SEMA4D: variants seen among roughly 807,000 people sequenced by gnomAD.
The protein encoded by SEMA4D is semaphorin 4D, also known as semaphorin-4D.
In SEMA4D, 22 loss-of-function variants were observed where a neutral mutation model predicts 74.8. The ratio of observed to expected loss-of-function variants is 0.29; its 90% CI spans 0.21 to 0.42. SEMA4D has a LOEUF of 0.42. Ranked by LOEUF, SEMA4D falls within the 10% of genes least tolerant of loss-of-function variation. SEMA4D has a pLI of 1.00. For missense variants in SEMA4D, 937 were observed against 1,118.4 expected, an observed-to-expected ratio of 0.84 and a Z score of 2.31; for synonymous variants, 445 against 463.7, an observed-to-expected ratio of 0.96 and a Z score of 0.52.
intron 2 of SEMA4D, among the ~76,000 whole-genome samples, chr9:89,425,894 T>C (rs1280421960): frequency 1.3e-5 from 2 of 152,204 alleles, no homozygotes; most frequent in Non-Finnish European, 2.9e-5. Context: ...AGCCAACAGC[T>C]TCCTCCTCCA....
At chr9:89,365,276 C>T (rs1157848689) in intron 16 of SEMA4D, 1 of 152,396 alleles carries the variant, frequency 6.6e-6, no homozygotes, top group African/African-American at 2.4e-5. Flanking sequence ...CTCTGAAGCT[C>T]CTGCTTGTGG....
At chr9:89,417,557 G>A (rs1171961911) in intron 2 of SEMA4D, among the ~76,000 whole-genome samples, 1 of 152,190 alleles carries the variant, frequency 6.6e-6, no homozygotes, top group African/African-American at 2.4e-5. Flanking sequence ...AAATTAAGCT[G>A]GTTATTTCCT....
chr9:89,364,703 ACACT>A (rs1231571787), intron 16 of SEMA4D: 4 of 152,736 alleles, frequency 2.6e-5, no homozygotes, highest in Non-Finnish European at 5.8e-5. Flanking sequence ...TACTTCACAC[ACACT>A]CAGACCATCT....
intron 2 of SEMA4D, among the ~76,000 whole-genome samples, chr9:89,415,047 C>T (rs572401022): frequency 5.3e-5 from 8 of 152,210 alleles, no homozygotes; most frequent in Non-Finnish European, 8.8e-5. Flanking sequence ...AGTGGCGGCA[C>T]GAACAGGGCC....
chr9:89,377,128 C>T, downstream of SEMA4D: 1 of 1,458,662 alleles, frequency 6.9e-7, no homozygotes, highest in Non-Finnish European at 9.1e-7. Context: ...CCAGAGAGGG[C>T]AAAACACAGC....
At chr9:89,370,947 T>TGGTGTGTATCTGGGGTAG (rs549221185) in intron 16 of SEMA4D, among the ~76,000 whole-genome samples, 143 of 102,610 alleles carry the variant, frequency 1.4e-3, no homozygotes, top group African/African-American at 3.5e-3. Context: ...GTCTGGGGTA[T>TGGTGTGTATCTGGGGTAG]GGTGTGTATC....
chr9:89,371,927 T>G (rs1588117724), intron 16 of SEMA4D, among the ~76,000 whole-genome samples: 1 of 134,068 alleles, frequency 7.5e-6, no homozygotes, highest in Non-Finnish European at 1.6e-5. Flanking sequence ...TGGGGTGTGG[T>G]GTGTGTGGGG....
chr9:89,431,952 A>G (rs142991353), intron 2 of SEMA4D, among the ~76,000 whole-genome samples: 1 of 152,162 alleles, frequency 6.6e-6, no homozygotes, highest in Non-Finnish European at 1.5e-5. Flanking sequence ...GCTCTGGTTC[A>G]TCTATGCTAT....
At chr9:89,480,824 G>A (rs867868307) in intron 1 of SEMA4D, among the ~76,000 whole-genome samples, 1 of 152,246 alleles carries the variant, frequency 6.6e-6, no homozygotes, top group South Asian at 2.1e-4. Flanking sequence ...TACAAACTGG[G>A]GGAGTGGGCT....
intron 13 of SEMA4D, among the ~76,000 whole-genome samples, chr9:89,383,750 T>C (rs1282046409): frequency 6.6e-6 from 1 of 152,150 alleles, no homozygotes; most frequent in Non-Finnish European, 1.5e-5. Flanking sequence ...TTCTGTAAAT[T>C]TAAAATTATT....
intron 2 of SEMA4D, chr9:89,450,291 A>G (rs141945042): frequency 7.6e-6 from 7 of 926,934 alleles, no homozygotes; most frequent in Non-Finnish European, 1.3e-5. Flanking sequence ...AGAGAGAACC[A>G]CTATGTACAA....
intron 1 of SEMA4D, among the ~76,000 whole-genome samples, chr9:89,461,327 G>A (rs546073739): frequency 6.6e-6 from 1 of 152,194 alleles, no homozygotes; most frequent in South Asian, 2.1e-4. Context: ...AATTGGGACC[G>A]GTAATCCCAA....
In SEMA4D at chr9:89,461,700, C is replaced by T. The variant is rs1233414774; in HGVS notation, c.-309-5747G>A. Reference sequence around the variant, plus strand: ...GGGCCAATGTGTATTTCTTTTTTCTCTTTTTTTTTTTTTTTTTTTGGAGAC... The same window carrying T: ...GGGCCAATGTGTATTTCTTTTTTCTTTTTTTTTTTTTTTTTTTTTGGAGAC... On this transcript the variant is annotated intron_variant, in intron 1 of 15. Coordinates refer to ENST00000422704, the MANE Select transcript of SEMA4D (RefSeq NM_001371194.2). Among the ~76,000 whole-genome samples the T allele has an allele frequency of 3.2e-4, 33 of 103,656 alleles. 1 individual carries two copies. Among genetic ancestry groups the T allele is most frequent in the East Asian group, 2.2e-3 (6 of 2,728 alleles). 68.0% of individuals were successfully genotyped at this position (103,656 alleles called of 152,430 possible). A position where few individuals can be genotyped will look rare whatever the true frequency, so the allele number is the denominator to read the frequency against.
In SEMA4D at chr9:89,362,380, G is replaced by C. The variant is rs758794011; in HGVS notation, c.*22C>G. 1.9e-6 allele frequency: 3 copies of C among 1,614,116 alleles called. No individual in the cohort carries two copies. The Admixed American group carries it at 5.0e-5, about 27-fold the overall frequency. On this transcript the variant is annotated 3_prime_UTR_variant, in exon 19 of 19. Coordinates refer to the SEMA4D transcript ENST00000339861. The stretch of plus-strand genomic sequence containing the variant: ...GGGTCTTGTTGGGGTTGAGGTCGGT[G>C]TCAGGGACTCCTTCCTGGTGGCTAC...
chr9:89,472,398 G>A (rs1860599121), intron 1 of SEMA4D: 2 of 335,788 alleles, frequency 6.0e-6, no homozygotes, highest in Non-Finnish European at 1.2e-5. Context: ...TGATCACTGG[G>A]CATCCAAGAA....
chr9:89,362,057 C>T (rs917976806), exon 19 of SEMA4D: 7 of 457,980 alleles, frequency 1.5e-5, no homozygotes, highest in Middle Eastern at 5.8e-4. Flanking sequence ...GCTGCCTGAC[C>T]GTAGAGGAGG....
intron 2 of SEMA4D, among the ~76,000 whole-genome samples, chr9:89,429,773 C>T (rs796385275): frequency 2.2e-4 from 34 of 152,210 alleles, no homozygotes; most frequent in African/African-American, 7.7e-4. Context: ...CATTCCAGAG[C>T]GCATGGTGCA....
At chr9:89,387,789 A>G (rs767071846) in intron 11 of SEMA4D, among the ~76,000 whole-genome samples, 181 bp from the exon 12 acceptor site, 6 of 152,266 alleles carry the variant, frequency 3.9e-5, no homozygotes, top group Non-Finnish European at 8.8e-5. Context: ...CCCAGCCAGC[A>G]GAGGACACAG....
chr9:89,464,207 G>A (rs1374038960), intron 1 of SEMA4D, among the ~76,000 whole-genome samples: 1 of 152,056 alleles, frequency 6.6e-6, no homozygotes, highest in South Asian at 2.1e-4. Flanking sequence ...CAGGGACCAA[G>A]GACACTTTGT....
Sources: gnomAD v4.1 joint callset for allele counts (sites outside exome capture counted in the v4.1 genomes callset) on GRCh38, gnomAD v4.1.1 for gene constraint, MANE v1.5 for transcripts, NCBI Gene and HGNC (gene_info 2026-07-23, HGNC 2026-07-21) for gene names.